The following FAM107B variants were observed in gnomAD, a reference collection of about 807,000 sequenced individuals.
FAM107B encodes family with sequence similarity 107 member B.
FAM107B carries 21 observed loss-of-function variants against 31.5 expected under a neutral mutation model. The ratio of observed to expected loss-of-function variants is 0.67; its 90% confidence interval spans 0.47 to 0.96. The LOEUF (loss-of-function observed/expected upper bound fraction) is 0.96, where lower values mean the gene tolerates loss of function less well. FAM107B is among the 40% of genes least tolerant of loss of function. FAM107B has a pLI of 0.00. For synonymous variants in FAM107B, 157 were observed against 141.5 expected, an observed-to-expected ratio of 1.11 and a Z score of -0.78; for missense variants, 452 against 377.1, an observed-to-expected ratio of 1.20 and a Z score of -1.64.
intron 1 of FAM107B, among the ~76,000 whole-genome samples, chr10:14,671,428 T>C (rs1237487553): frequency 6.6e-6 from 1 of 152,122 alleles, no homozygotes; most frequent in Non-Finnish European, 1.5e-5. Context: ...ACCCTTCCTG[T>C]TGGAATCCCA....
rs138548104 is a variant in FAM107B, at chr10:14,727,458, T to C, written c.411+46795A>G. Among the ~76,000 whole-genome samples the C allele has an allele frequency of 3.3e-5, 5 of 152,310 alleles. No individual in the cohort carries two copies. The East Asian group carries it at 7.7e-4, about 23-fold the overall frequency. ...TGTCAGCAGCTGCATGTCTGTGCCA[T>C]GGGGCATCTTCTAGAGCCAAGGAAG... On this transcript the variant is annotated intron_variant, in intron 1 of 4. Transcript: ENST00000181796.
At chr10:14,762,790 ACACACAC>A (rs1404793660) in intron 1 of FAM107B, among the ~76,000 whole-genome samples, 1 of 151,048 alleles carries the variant, frequency 6.6e-6, no homozygotes, top group African/African-American at 2.5e-5. Context: ...ACACACACAC[ACACACAC>A]ACACAAAAAG....
At chr10:14,578,971 C>T (rs889124067) in intron 2 of FAM107B, among the ~76,000 whole-genome samples, 2 of 152,066 alleles carry the variant, frequency 1.3e-5, no homozygotes, top group Non-Finnish European at 2.9e-5. Context: ...GCCTTGTTCA[C>T]ACATTGTAAG....
chr10:14,688,380 A>G lies in FAM107B; in HGVS notation c.412-20689T>C, dbSNP rs186126897. Among the ~76,000 whole-genome samples, 12 of 151,798 alleles carry G rather than the reference A, an allele frequency of 7.9e-5. No homozygotes were observed. In the East Asian group the frequency reaches 1.4e-3, roughly 17 times the overall value. ...TCGCGTGAGTCAGCATCTTTAATAC[A>G]CTACCTTTCATGTATACATCTGTCC... On this transcript the variant is annotated intron_variant, in intron 1 of 4. Transcript: ENST00000181796.
At chr10:14,565,966 C>T (rs1239534432) in intron 2 of FAM107B, among the ~76,000 whole-genome samples, 1 of 152,190 alleles carries the variant, frequency 6.6e-6, no homozygotes. Context: ...CGCAGCAGGG[C>T]GGACCTAAGG....
chr10:14,643,543 G>A (rs1853681239), intron 2 of FAM107B, among the ~76,000 whole-genome samples: 1 of 151,796 alleles, frequency 6.6e-6, no homozygotes, highest in Non-Finnish European at 1.5e-5. Flanking sequence ...CAGAGCAGAT[G>A]GGACTACAGA....
At chr10:14,691,775 T>C (rs971106752) in intron 1 of FAM107B, among the ~76,000 whole-genome samples, 1 of 151,072 alleles carries the variant, frequency 6.6e-6, no homozygotes, top group African/African-American at 2.4e-5. Context: ...GTGGCTATAA[T>C]CCCAGCTACT....
chr10:14,772,121 TG>T (rs2131602043), intron 1 of FAM107B, among the ~76,000 whole-genome samples: 1 of 152,132 alleles, frequency 6.6e-6, no homozygotes, highest in African/African-American at 2.4e-5. Flanking sequence ...TTTGGGAGGC[TG>T]GGCGGGGGAG....
chr10:14,695,824 T>C (rs1855251642), intron 1 of FAM107B, among the ~76,000 whole-genome samples: 1 of 152,232 alleles, frequency 6.6e-6, no homozygotes, highest in Non-Finnish European at 1.5e-5. Flanking sequence ...TGTGTTGATT[T>C]TGTATCCTTC....
At position 14,727,352 on chromosome 10, in the gene FAM107B, T is replaced by A. The variant is rs190648646; in HGVS notation, c.411+46901A>T. On this transcript the variant is annotated intron_variant, in intron 1 of 4. Transcript: ENST00000181796. ...GTATTATTTTAGAAATACACCATCA[T>A]GCTCGGGTTTTCATCACACTGCCTG... is the stretch of plus-strand genomic sequence containing the variant. Among the ~76,000 whole-genome samples the A allele has an allele frequency of 1.6e-4, 24 of 152,344 alleles. No individual in the cohort carries two copies. In the East Asian group the frequency reaches 3.3e-3, roughly 21 times the overall value.
intron 2 of FAM107B, among the ~76,000 whole-genome samples, chr10:14,617,224 C>T (rs1181114963): frequency 6.6e-6 from 1 of 152,162 alleles, no homozygotes; most frequent in Non-Finnish European, 1.5e-5. Flanking sequence ...ACTCAGGAAA[C>T]AAGCCTTTCC....
In FAM107B at chr10:14,521,174, T is replaced by G. The variant is rs776828253; in HGVS notation, c.*16A>C. 1 of 1,605,530 alleles carries G rather than the reference T, an allele frequency of 6.2e-7. No individual in the cohort carries two copies. The highest frequency in any genetic ancestry group is 1.1e-5 in the South Asian group (1 of 90,796). Reference sequence around the variant, plus strand: ...GCTCTGTGGGGTGACACACGAGGTCTTGGTGCAGCCTCAGCCTAGGACTCC... The same window carrying G: ...GCTCTGTGGGGTGACACACGAGGTCGTGGTGCAGCCTCAGCCTAGGACTCC... On this transcript the variant is annotated 3_prime_UTR_variant, in exon 5 of 5. Transcript: ENST00000181796.
chr10:14,672,060 T>C lies in FAM107B; in HGVS notation c.412-4369A>G, dbSNP rs1008841337. On this transcript the variant is annotated intron_variant, in intron 1 of 4. Coordinates refer to ENST00000181796, the MANE Select transcript of FAM107B (RefSeq NM_031453.4). ...CTGTACATTGGTTCTGTACCTCCCCTGCCATCATGAGTTTTTTTCTTTCTT... is the reference window on the plus strand; with the variant it reads ...CTGTACATTGGTTCTGTACCTCCCCCGCCATCATGAGTTTTTTTCTTTCTT... Among the ~76,000 whole-genome samples, 11 of 151,378 alleles carry C rather than the reference T, an allele frequency of 7.3e-5. No individual in the cohort carries two copies. In the East Asian group the frequency reaches 1.6e-3, roughly 21 times the overall value.
chr10:14,633,706 C>A (rs1279724268), intron 2 of FAM107B, among the ~76,000 whole-genome samples: 2 of 151,930 alleles, frequency 1.3e-5, no homozygotes, highest in East Asian at 3.9e-4. Flanking sequence ...TAAACAAATC[C>A]CTTATTAACC....
chr10:14,560,348 A>G (rs911611843), intron 2 of FAM107B, among the ~76,000 whole-genome samples: 6 of 152,192 alleles, frequency 3.9e-5, no homozygotes, highest in African/African-American at 1.4e-4. Flanking sequence ...AAGATACATA[A>G]CATATGAGTG....
chr10:14,580,359 C>CA (rs397731792), intron 2 of FAM107B, among the ~76,000 whole-genome samples: 120,139 of 148,724 alleles, frequency 0.81, 48,715 homozygotes, highest in East Asian at 0.88. Flanking sequence ...GACTCCGTGC[C>CA]AAAAAAAAAA....
rs187174628 is a variant in FAM107B, at chr10:14,721,449, T to A, written c.411+52804A>T. ...GTCTTCCACAATGGTTGAACTAATT[T>A]ACACTCCCACCAACTGTGTAAAAGT... On this transcript the variant is annotated intron_variant, in intron 1 of 4. Transcript: ENST00000181796. Among the ~76,000 whole-genome samples, 372 of 152,348 alleles carry A rather than the reference T, an allele frequency of 2.4e-3. 2 individuals are homozygous for A. Among genetic ancestry groups the A allele is most frequent in the African/African-American group, 8.4e-3 (351 of 41,584 alleles).
chr10:14,732,875 A>T (rs1856206518), intron 1 of FAM107B, among the ~76,000 whole-genome samples: 1 of 146,910 alleles, frequency 6.8e-6, no homozygotes, highest in African/African-American at 2.5e-5. Flanking sequence ...TTAATATTAT[A>T]TAATACAATT....
At chr10:14,588,130 T>C (rs1012734766) in intron 2 of FAM107B, among the ~76,000 whole-genome samples, 4 of 152,090 alleles carry the variant, frequency 2.6e-5, no homozygotes, top group Non-Finnish European at 4.4e-5. Context: ...AGGATATAAA[T>C]AGGCGGTTTT....
Sources: allele counts gnomAD v4.1 joint callset (sites outside exome capture counted in the v4.1 genomes callset), GRCh38; gene constraint gnomAD v4.1.1; transcripts MANE v1.5; gene names NCBI Gene and HGNC (gene_info 2026-07-23, HGNC 2026-07-21).